ITGB3: variants seen among roughly 807,000 people sequenced by gnomAD.
ITGB3 encodes integrin beta-3.
A neutral mutation model predicts 85.8 loss-of-function variants in ITGB3; 48 were observed. That is an observed-to-expected ratio of 0.56 (90% CI 0.44 to 0.71). The LOEUF is 0.71. Ranked by LOEUF, ITGB3 falls within the 30% of genes least tolerant of loss-of-function variation. ITGB3 has a pLI of 0.00. For missense variants in ITGB3, 861 were observed against 1,019.1 expected (o/e 0.84, Z 2.11); for synonymous variants, 363 against 395.6 (o/e 0.92, Z 0.98).
intron 1 of ITGB3, among the ~76,000 whole-genome samples, chr17:47,268,438 A>G (rs1211248301): frequency 1.3e-5 from 2 of 152,240 alleles, no homozygotes; most frequent in Non-Finnish European, 2.9e-5. Flanking sequence ...GTTACTTCCT[A>G]GATACAACGG....
chr17:47,300,091 C>G (rs1403606428), intron 11 of ITGB3, among the ~76,000 whole-genome samples: 1 of 152,202 alleles, frequency 6.6e-6, no homozygotes, highest in Non-Finnish European at 1.5e-5. Flanking sequence ...TCTTAGTAAT[C>G]TTTGAACAAG....
At chr17:47,310,026 A>T in intron 14 of ITGB3, 113 bp from the exon 15 acceptor site, 1 of 825,906 alleles carries the variant, frequency 1.2e-6, no homozygotes, top group Non-Finnish European at 2.1e-6. Context: ...TTCATTGATG[A>T]TGTATTCCAG....
intron 2 of ITGB3, among the ~76,000 whole-genome samples, chr17:47,278,807 G>A (rs2065073052): frequency 6.6e-6 from 1 of 152,070 alleles, no homozygotes; most frequent in Admixed American, 6.5e-5. Context: ...GGGCATGGGA[G>A]GGATCCAGGT....
chr17:47,296,372 T>G (rs1035632901), intron 10 of ITGB3, among the ~76,000 whole-genome samples: 8 of 152,210 alleles, frequency 5.3e-5, no homozygotes, highest in Non-Finnish European at 1.0e-4. Context: ...TAGCTAGGAC[T>G]ACAGGCTCTT....
intron 10 of ITGB3, 122 bp downstream of exon 10, chr17:47,292,690 T>A: frequency 1.0e-6 from 1 of 995,982 alleles, no homozygotes; most frequent in Admixed American, 2.4e-5. Context: ...AGTCAGTGGT[T>A]CCTAATCTTT....
chr17:47,281,597 G>A (rs1303556586), intron 2 of ITGB3, among the ~76,000 whole-genome samples: 1 of 152,140 alleles, frequency 6.6e-6, no homozygotes, highest in East Asian at 1.9e-4. Flanking sequence ...AGCACCCAGA[G>A]CCCCAGGGGG....
At chr17:47,305,067 A>C (rs1414211219) in intron 13 of ITGB3, among the ~76,000 whole-genome samples, 1 of 152,204 alleles carries the variant, frequency 6.6e-6, no homozygotes, top group Non-Finnish European at 1.5e-5. Context: ...AACTCCTTTC[A>C]GGACACATGG....
chr17:47,299,224 G>C lies in ITGB3; in HGVS notation c.1691-84G>C. The C allele has an allele frequency of 7.9e-7, 1 of 1,272,130 alleles. No homozygotes were observed. The highest frequency in any genetic ancestry group is 1.1e-6 in the Non-Finnish European group (1 of 883,370). The allele number at this position is 1,272,130 out of a possible 1,614,324, so 78.8% of individuals were successfully genotyped here. A position where few individuals can be genotyped will look rare whatever the true frequency, so the allele number is the denominator to read the frequency against. On this transcript the variant is annotated intron_variant, in intron 10 of 14. Transcript: ENST00000559488. The surrounding 1 kb of genome is among the most constrained non-coding windows in gnomAD (Gnocchi z 5.1). ...AGGATCATTATCTGTGTGGTTGGGAGAGCAGGATGGTCGTGTGTAGCCTGC... is the reference window on the plus strand; with the variant it reads ...AGGATCATTATCTGTGTGGTTGGGACAGCAGGATGGTCGTGTGTAGCCTGC...
chr17:47,307,341 T>C (rs954253053), intron 13 of ITGB3, 130 bp from the exon 14 acceptor site: 1 of 1,023,864 alleles, frequency 9.8e-7, no homozygotes, highest in Non-Finnish European at 1.5e-6. Context: ...CTTAAAAAAA[T>C]TAATTTTTGA....
At chr17:47,295,901 C>T (rs1027855585) in intron 10 of ITGB3, among the ~76,000 whole-genome samples, 1 of 152,196 alleles carries the variant, frequency 6.6e-6, no homozygotes, top group Non-Finnish European at 1.5e-5. Flanking sequence ...TGTCTTGCCC[C>T]TAGATGTTGG....
Position 47,289,747 on chromosome 17 carries a change from G to A in ITGB3, c.1006G>A (p.Val336Met). The change falls in exon 7 of 15, where the codon GTG (valine) becomes ATG (methionine). Residue 336 changes from valine (V) to methionine (M), a missense_variant. By Grantham distance (21) the Val-to-Met change is conservative. Coordinates refer to ENST00000559488, the MANE Select transcript of ITGB3 (RefSeq NM_000212.3). The stretch of plus-strand genomic sequence containing the variant: ...GAAAAACATCAATTTGATCTTTGCA[G>A]TGACTGAAAATGTAGTCAATCTCTA... ...SQKNINLIFA[V>M]TENVVNLYQN... 1.2e-6 allele frequency: 2 copies of A among 1,614,034 alleles called. No homozygotes were observed. The highest frequency in any genetic ancestry group is 1.3e-5 in the African/African-American group (1 of 75,028).
chr17:47,291,473 C>T (rs1014767551), intron 9 of ITGB3: 1 of 432,536 alleles, frequency 2.3e-6, no homozygotes, highest in Non-Finnish European at 4.1e-6. Context: ...AAAGTAAAAT[C>T]TAAAATGTAA....
At chr17:47,292,050 C>A in intron 9 of ITGB3, 89 bp from the exon 10 acceptor site, 1 of 1,369,684 alleles carries the variant, frequency 7.3e-7, no homozygotes, top group Non-Finnish European at 1.0e-6. Context: ...TATTCCTTGG[C>A]AGGGCAGGGA....
At chr17:47,280,928 C>T (rs946451907) in intron 2 of ITGB3, among the ~76,000 whole-genome samples, 10 of 152,172 alleles carry the variant, frequency 6.6e-5, no homozygotes, top group Non-Finnish European at 1.2e-4. Context: ...ATGATAATTA[C>T]AGTCAGACAA....
chr17:47,290,409 C>T (rs1295099120), intron 8 of ITGB3, 135 bp downstream of exon 8: 1 of 792,078 alleles, frequency 1.3e-6, no homozygotes, highest in African/African-American at 1.7e-5. Flanking sequence ...CTCCCAGAGC[C>T]CAGGCAATGG....
intron 2 of ITGB3, 75 bp downstream of exon 2, chr17:47,274,579 A>G: frequency 7.9e-7 from 1 of 1,260,804 alleles, no homozygotes; most frequent in East Asian, 2.3e-5. Context: ...CCATGAAGTT[A>G]TCACCTCCCT....
chr17:47,272,853 A>C (rs1355985201), intron 1 of ITGB3, among the ~76,000 whole-genome samples: 1 of 151,550 alleles, frequency 6.6e-6, no homozygotes, highest in Non-Finnish European at 1.5e-5. Context: ...AGCTAACTGC[A>C]ACCTCTGCCT....
At chr17:47,269,350 G>A (rs1408066487) in intron 1 of ITGB3, among the ~76,000 whole-genome samples, 1 of 152,160 alleles carries the variant, frequency 6.6e-6, no homozygotes, top group Non-Finnish European at 1.5e-5. Context: ...ACATCGTCAG[G>A]CTGCAAATTT....
At chr17:47,266,865 A>C (rs1218487774) in intron 1 of ITGB3, among the ~76,000 whole-genome samples, 1 of 151,874 alleles carries the variant, frequency 6.6e-6, no homozygotes, top group Non-Finnish European at 1.5e-5. Context: ...TACAGGCATG[A>C]GCCTGGATTT....
Sources: gnomAD v4.1 joint callset for allele counts (sites outside exome capture counted in the v4.1 genomes callset) on GRCh38, gnomAD v4.1.1 for gene constraint, Gnocchi (gnomAD v3.1) non-coding constraint, MANE v1.5 for transcripts, NCBI Gene and HGNC (gene_info 2026-07-23, HGNC 2026-07-21) for gene names.